Variants in PRKAG2 observed in about 807,000 individuals in gnomAD.
PRKAG2 encodes 5'-AMP-activated protein kinase subunit gamma-2.
A neutral mutation model predicts 69.6 loss-of-function variants in PRKAG2; 26 were observed. That is an observed-to-expected ratio of 0.37 (90% CI 0.27 to 0.52). The LOEUF (loss-of-function observed/expected upper bound fraction) is 0.52. Among genes scored for constraint, PRKAG2 ranks in the 20% least tolerant of loss-of-function variants. The pLI is 0.90. For missense variants in PRKAG2, 557 were observed against 740.0 expected, an observed-to-expected ratio of 0.75 and a Z score of 2.87; for synonymous variants, 293 against 285.0, an observed-to-expected ratio of 1.03 and a Z score of -0.28.
At chr7:151,727,342 G>T (rs1798154623) in intron 3 of PRKAG2, among the ~76,000 whole-genome samples, 1 of 152,210 alleles carries the variant, frequency 6.6e-6, no homozygotes, top group African/African-American at 2.4e-5. Context: ...CGCCCCTCCA[G>T]GCTGTAATGA....
intron 6 of PRKAG2, among the ~76,000 whole-genome samples, chr7:151,584,275 C>T (rs1158727154): frequency 1.3e-5 from 2 of 152,120 alleles, no homozygotes; most frequent in Non-Finnish European, 2.9e-5. Context: ...GAACATGGGG[C>T]CTCCAATGAA....
intron 4 of PRKAG2, among the ~76,000 whole-genome samples, chr7:151,662,044 T>C (rs1469814685): frequency 1.3e-5 from 2 of 152,222 alleles, no homozygotes; most frequent in African/African-American, 2.4e-5. Context: ...CCATTTAATG[T>C]TCAGCCCCCC....
chr7:151,841,876 G>A (rs1306669758), intron 1 of PRKAG2, among the ~76,000 whole-genome samples: 4 of 149,044 alleles, frequency 2.7e-5, no homozygotes, highest in Non-Finnish European at 6.0e-5. Context: ...AGGGATGGTA[G>A]TGATAGTAGT....
chr7:151,738,784 GC>G (rs747493706), intron 3 of PRKAG2, among the ~76,000 whole-genome samples: 10 of 152,200 alleles, frequency 6.6e-5, no homozygotes, highest in Admixed American at 1.3e-4. Flanking sequence ...GGGGCTCTCA[GC>G]TCTGAAGGCT....
chr7:151,697,152 C>T (rs1836812481), intron 3 of PRKAG2, among the ~76,000 whole-genome samples: 3 of 152,144 alleles, frequency 2.0e-5, no homozygotes, highest in African/African-American at 7.2e-5. Context: ...CCTTAGGACA[C>T]ATGATAACTG....
At chr7:151,672,437 G>GT (rs1832210732) in intron 4 of PRKAG2, among the ~76,000 whole-genome samples, 1 of 152,130 alleles carries the variant, frequency 6.6e-6, no homozygotes, top group African/African-American at 2.4e-5. Flanking sequence ...GTTGCAGCAA[G>GT]TACATTCATA....
At chr7:151,805,666 C>T (rs2078065567) in intron 1 of PRKAG2, among the ~76,000 whole-genome samples, 1 of 152,112 alleles carries the variant, frequency 6.6e-6, no homozygotes, top group Admixed American at 6.5e-5. Flanking sequence ...GGCTGTGATG[C>T]CTGGGACTCA....
intron 1 of PRKAG2, among the ~76,000 whole-genome samples, chr7:151,840,076 C>T (rs180810309): frequency 7.9e-5 from 12 of 152,284 alleles, no homozygotes; most frequent in Non-Finnish European, 1.2e-4. Context: ...TGAGTGTGTG[C>T]GCCAGTCCTT....
rs151043573 is a variant in PRKAG2, at chr7:151,777,887, A to G, written c.466+3265T>C. ...TTATGGGAGGGGCCTGAACCGGGCT[A>G]ACATGCAGGTGTAGTTTCTATGATC... On this transcript the variant is annotated intron_variant, in intron 3 of 15. Coordinates refer to ENST00000287878, the MANE Select transcript of PRKAG2 (RefSeq NM_016203.4). The surrounding 1 kb of genome is among the most constrained non-coding windows in gnomAD (Gnocchi z 4.3). 1.1e-3 allele frequency among the ~76,000 whole-genome samples: 160 copies of G among 152,330 alleles called. No individual in the cohort carries two copies. The highest frequency in any genetic ancestry group is 3.7e-3 in the African/African-American group (154 of 41,572).
chr7:151,582,385 C>A (rs1311338373), intron 6 of PRKAG2, among the ~76,000 whole-genome samples: 2 of 152,124 alleles, frequency 1.3e-5, no homozygotes, highest in African/African-American at 4.8e-5. Context: ...CTCCTGAACT[C>A]AAGTGATCCT....
At chr7:151,700,002 T>C (rs1332825663) in intron 3 of PRKAG2, among the ~76,000 whole-genome samples, 1 of 152,178 alleles carries the variant, frequency 6.6e-6, no homozygotes, top group Non-Finnish European at 1.5e-5. Context: ...AACATTTTGC[T>C]GCATACAAGA....
At chr7:151,715,576 G>C (rs1000823194) in intron 3 of PRKAG2, among the ~76,000 whole-genome samples, 9 of 151,932 alleles carry the variant, frequency 5.9e-5, no homozygotes, top group African/African-American at 1.9e-4. Context: ...GGCTGGTCTC[G>C]AACTCCTGAC....
intron 3 of PRKAG2, among the ~76,000 whole-genome samples, chr7:151,739,094 C>A (rs1245255902): frequency 6.6e-6 from 1 of 152,216 alleles, no homozygotes; most frequent in Non-Finnish European, 1.5e-5. Flanking sequence ...CCTCCATCTG[C>A]AGGGGACACA....
chr7:151,724,880 G>A (rs921860023), intron 3 of PRKAG2, among the ~76,000 whole-genome samples: 4 of 152,280 alleles, frequency 2.6e-5, no homozygotes, highest in African/African-American at 7.2e-5. Flanking sequence ...CAGAAACTCC[G>A]ACAGTGGGGA....
intron 3 of PRKAG2, among the ~76,000 whole-genome samples, chr7:151,768,614 A>G (rs562343187): frequency 3.3e-5 from 5 of 152,278 alleles, no homozygotes; most frequent in Non-Finnish European, 7.3e-5. Flanking sequence ...TTACAGGCAC[A>G]TGCCATCATA....
intron 3 of PRKAG2, among the ~76,000 whole-genome samples, chr7:151,768,601 G>A (rs948042967): frequency 4.6e-5 from 7 of 152,064 alleles, no homozygotes; most frequent in South Asian, 2.1e-4. Flanking sequence ...TTAGTAGCTC[G>A]GATTACAGGC....
At chr7:151,572,640 T>A in intron 9 of PRKAG2, 24 bp downstream of exon 9, 6 of 1,569,694 alleles carry the variant, frequency 3.8e-6, no homozygotes, top group Non-Finnish European at 5.3e-6. Flanking sequence ...TACTAAAAGA[T>A]TTTAAACATC....
chr7:151,653,828 C>A (rs892563637), intron 4 of PRKAG2, among the ~76,000 whole-genome samples: 1 of 152,080 alleles, frequency 6.6e-6, no homozygotes, highest in Non-Finnish European at 1.5e-5. Flanking sequence ...AGTGACAGAG[C>A]GAGACTCCAT....
At chr7:151,574,141 A>G (rs904031711) in intron 8 of PRKAG2, among the ~76,000 whole-genome samples, 1 of 152,226 alleles carries the variant, frequency 6.6e-6, no homozygotes, top group Non-Finnish European at 1.5e-5. Context: ...GATAATACTG[A>G]GCATTACGCA....
Sources: gnomAD v4.1 joint callset for allele counts (sites outside exome capture counted in the v4.1 genomes callset) on GRCh38, gnomAD v4.1.1 for gene constraint, Gnocchi (gnomAD v3.1) non-coding constraint, MANE v1.5 for transcripts, NCBI Gene and HGNC (gene_info 2026-07-23, HGNC 2026-07-21) for gene names.